UBASH3B: variants seen among roughly 807,000 people sequenced by gnomAD.
UBASH3B encodes ubiquitin associated and SH3 domain containing B.
In UBASH3B, 37 loss-of-function variants were observed where a neutral mutation model predicts 83.4. The ratio of observed to expected loss-of-function variants is 0.44; its 90% CI spans 0.34 to 0.58. The LOEUF is 0.58. UBASH3B is among the 20% of genes least tolerant of loss of function. The pLI, the probability that UBASH3B is intolerant of heterozygous loss-of-function variation, is 0.01. For missense variants in UBASH3B, 657 were observed against 827.2 expected (o/e 0.79, Z 2.52); for synonymous variants, 304 against 318.3 (o/e 0.96, Z 0.48).
At chr11:122,801,436 G>T (rs1816147726) in intron 11 of UBASH3B, 104 bp downstream of exon 11, 7 of 1,344,544 alleles carry the variant, frequency 5.2e-6, no homozygotes, top group African/African-American at 2.9e-5. Flanking sequence ...ATCACCTACA[G>T]GCAGTTGTCC....
chr11:122,683,604 C>CCA (rs1555134268), intron 1 of UBASH3B, among the ~76,000 whole-genome samples: 19 of 36,886 alleles, frequency 5.2e-4, no homozygotes, highest in African/African-American at 8.6e-4. Flanking sequence ...GACTCCTTCT[C>CCA]AAAAAAAAAA....
intron 1 of UBASH3B, among the ~76,000 whole-genome samples, chr11:122,678,988 T>C (rs1210674280): frequency 6.6e-6 from 1 of 152,186 alleles, no homozygotes; most frequent in Non-Finnish European, 1.5e-5. Context: ...GATGCCTCTG[T>C]GTTTAAGAGC....
In UBASH3B at chr11:122,810,056, C is replaced by A; in HGVS notation, c.*170C>A. 1 of 772,950 alleles carries A rather than the reference C, an allele frequency of 1.3e-6. No individual in the cohort carries two copies. The highest frequency in any genetic ancestry group is 2.0e-6 in the Non-Finnish European group (1 of 510,208). 47.9% of individuals were successfully genotyped at this position (772,950 alleles called of 1,614,324 possible). ...TGAGACTGTGTAAATGAGAGAAAGA[C>A]TTGATTCAGAGGAAAAAAATGTGTT... On this transcript the variant is annotated 3_prime_UTR_variant, in exon 14 of 14. Coordinates refer to ENST00000284273, the MANE Select transcript of UBASH3B (RefSeq NM_032873.5).
intron 1 of UBASH3B, among the ~76,000 whole-genome samples, chr11:122,684,092 T>C (rs977081686): frequency 7.9e-5 from 12 of 152,170 alleles, no homozygotes; most frequent in Admixed American, 6.6e-4. Flanking sequence ...CAGCACACAT[T>C]CTTATAGAAA....
chr11:122,665,130 T>A (rs1426752707), intron 1 of UBASH3B, among the ~76,000 whole-genome samples: 2 of 152,136 alleles, frequency 1.3e-5, no homozygotes, highest in Non-Finnish European at 1.5e-5. Context: ...ATGGTCTCCA[T>A]CTCCTGACCT....
In UBASH3B at chr11:122,697,783, A is replaced by C. The variant is rs1225292624; in HGVS notation, c.161+41573A>C. On this transcript the variant is annotated intron_variant, in intron 1 of 13. Coordinates refer to ENST00000284273, the MANE Select transcript of UBASH3B (RefSeq NM_032873.5). ...GGATTGAGTCATTGCGTTGCACCATAGATACATGGGTTTACAGCAACTTAG... is the reference window on the plus strand; with the variant it reads ...GGATTGAGTCATTGCGTTGCACCATCGATACATGGGTTTACAGCAACTTAG... Among the ~76,000 whole-genome samples the C allele has an allele frequency of 2.0e-5, 3 of 152,304 alleles. No individual in the cohort carries two copies. The East Asian group carries it at 5.8e-4, about 29-fold the overall frequency.
At chr11:122,789,667 C>A (rs1861017466) in intron 6 of UBASH3B, among the ~76,000 whole-genome samples, 1 of 152,100 alleles carries the variant, frequency 6.6e-6, no homozygotes, top group Non-Finnish European at 1.5e-5. Flanking sequence ...GGTCTGATTT[C>A]CCGAAGCAGC....
intron 1 of UBASH3B, among the ~76,000 whole-genome samples, chr11:122,751,002 G>A (rs1178480733): frequency 6.6e-6 from 1 of 152,216 alleles, no homozygotes; most frequent in Non-Finnish European, 1.5e-5. Context: ...ATAGAGTTGA[G>A]CGAACATCAG....
At chr11:122,686,689 C>G (rs1367143253) in intron 1 of UBASH3B, among the ~76,000 whole-genome samples, 3 of 152,082 alleles carry the variant, frequency 2.0e-5, no homozygotes, top group Non-Finnish European at 4.4e-5. Flanking sequence ...GGCCCTGTCT[C>G]TTCTTCCTAC....
At position 122,758,253 on chromosome 11, in the gene UBASH3B, T is replaced by G. The variant is rs1861314095; in HGVS notation, c.162-17966T>G. Among the ~76,000 whole-genome samples the G allele has an allele frequency of 6.6e-6, 1 of 152,104 alleles. No homozygotes were observed. The highest frequency in any genetic ancestry group is 1.5e-5 in the Non-Finnish European group (1 of 68,016). ...TTTGGACCCCTCTCACTTCCTGGCGTGTTTGGTCAAGTCCCATTTATAATA... is the reference window on the plus strand; with the variant it reads ...TTTGGACCCCTCTCACTTCCTGGCGGGTTTGGTCAAGTCCCATTTATAATA... On this transcript the variant is annotated intron_variant, in intron 1 of 13. Coordinates refer to ENST00000284273, the MANE Select transcript of UBASH3B (RefSeq NM_032873.5). This position sits in a 1 kb window ranked among gnomAD's most constrained non-coding sequence, Gnocchi z 4.2.
chr11:122,655,972 T>G lies in UBASH3B; in HGVS notation c.-78T>G. 291 of 437,196 alleles carry G rather than the reference T, an allele frequency of 6.7e-4. No homozygotes were observed. The highest frequency in any genetic ancestry group is 8.6e-4 in the Non-Finnish European group (243 of 283,604). 27.1% of individuals were successfully genotyped at this position (437,196 alleles called of 1,614,324 possible). A position where few individuals can be genotyped will look rare whatever the true frequency, so the allele number is the denominator to read the frequency against. On this transcript the variant is annotated 5_prime_UTR_variant, in exon 1 of 14. Transcript: ENST00000284273. Reference sequence around the variant, plus strand: ...CTCTGGGTCCCCGAGCCCCCTCCCCTGGCCCAGCCCGACTCCCTCCTCCTT... The same window carrying G: ...CTCTGGGTCCCCGAGCCCCCTCCCCGGGCCCAGCCCGACTCCCTCCTCCTT...
At chr11:122,672,744 C>T (rs1301060806) in intron 1 of UBASH3B, among the ~76,000 whole-genome samples, 1 of 152,166 alleles carries the variant, frequency 6.6e-6, no homozygotes, top group Non-Finnish European at 1.5e-5. Flanking sequence ...ACCTCCTCAG[C>T]GAGAGTTTTC....
intron 1 of UBASH3B, among the ~76,000 whole-genome samples, chr11:122,686,586 C>T (rs983271766): frequency 1.3e-5 from 2 of 152,100 alleles, no homozygotes; most frequent in African/African-American, 2.4e-5. Flanking sequence ...GGCTTTTGGC[C>T]GTGGTGTGCA....
At chr11:122,659,046 G>A (rs895924477) in intron 1 of UBASH3B, among the ~76,000 whole-genome samples, 1 of 152,124 alleles carries the variant, frequency 6.6e-6, no homozygotes, top group East Asian at 1.9e-4. Context: ...TCCAATCACT[G>A]CGTTTGTGGT....
At chr11:122,772,521 G>A (rs1860663258) in intron 1 of UBASH3B, among the ~76,000 whole-genome samples, 1 of 152,152 alleles carries the variant, frequency 6.6e-6, no homozygotes. Context: ...GAAGAGGAGG[G>A]AGGGAAAGCA....
In UBASH3B at chr11:122,779,551, C is replaced by A; in HGVS notation, c.457C>A (p.Arg153Ser). ...LGEALQTTVS[R>S]WKCKFSAPLP... ...GGAAGCCCTGCAGACCACGGTCAGT[C>A]GCTGGAAATGTAAGTTCTCGGCCCC... is the stretch of plus-strand genomic sequence containing the variant. The change falls in exon 4 of 14, where the codon CGC becomes AGC. Residue 153 changes from arginine (R) to serine (S), a missense_variant. Around this residue, in one of 3 missense-constraint regions of UBASH3B, gnomAD observed 573 missense variants for 739.0 expected, o/e 0.78. Transcript: ENST00000284273. 6.2e-7 allele frequency: 1 copy of A among 1,614,106 alleles called. No homozygotes were observed. The highest frequency in any genetic ancestry group is 8.5e-7 in the Non-Finnish European group (1 of 1,180,018).
chr11:122,707,909 G>T (rs1181581237), intron 1 of UBASH3B, among the ~76,000 whole-genome samples: 2 of 152,128 alleles, frequency 1.3e-5, no homozygotes, highest in Admixed American at 1.3e-4. Flanking sequence ...TGGCCAGGCT[G>T]GTCTCGAACT....
chr11:122,685,870 A>G (rs10750218), intron 1 of UBASH3B, among the ~76,000 whole-genome samples: 104,751 of 152,006 alleles, frequency 0.69, 39,461 homozygotes, highest in Admixed American at 0.83. Flanking sequence ...TTTTCACCTC[A>G]TGGGGTCTTC....
At chr11:122,746,384 G>A (rs1013591267) in intron 1 of UBASH3B, among the ~76,000 whole-genome samples, 1 of 152,212 alleles carries the variant, frequency 6.6e-6, no homozygotes, top group Non-Finnish European at 1.5e-5. Flanking sequence ...TTGCTTCAGC[G>A]TGAACAAACT....
Sources: gnomAD v4.1 joint callset for allele counts (sites outside exome capture counted in the v4.1 genomes callset) on GRCh38, gnomAD v4.1.1 for gene constraint, gnomAD v4.1.1 regional missense constraint, Gnocchi (gnomAD v3.1) non-coding constraint, MANE v1.5 for transcripts, NCBI Gene and HGNC (gene_info 2026-07-23, HGNC 2026-07-21) for gene names.